The following MAP2K4 variants were observed in gnomAD, a reference collection of about 807,000 sequenced individuals.
The protein encoded by MAP2K4 is dual specificity mitogen-activated protein kinase kinase 4.
In MAP2K4, 4 loss-of-function variants were observed where a neutral mutation model predicts 48.5. The ratio of observed to expected loss-of-function variants is 0.08; its 90% CI spans 0.04 to 0.19. MAP2K4 has a LOEUF of 0.19. Ranked by LOEUF, MAP2K4 falls within the 10% of genes least tolerant of loss-of-function variation. The pLI is 1.00. For synonymous variants in MAP2K4, 166 were observed against 173.1 expected (o/e 0.96, Z 0.32); for missense variants, 258 against 493.3 (o/e 0.52, Z 4.52).
At chr17:12,103,001 G>C (rs1222674699) in intron 4 of MAP2K4, among the ~76,000 whole-genome samples, 2 of 145,232 alleles carry the variant, frequency 1.4e-5, no homozygotes, top group Admixed American at 1.4e-4. Flanking sequence ...GAACCAGCTA[G>C]CTCTCAGTTA....
intron 8 of MAP2K4, among the ~76,000 whole-genome samples, chr17:12,128,827 T>C (rs531616696): frequency 4.5e-4 from 69 of 152,340 alleles, no homozygotes; most frequent in Admixed American, 1.1e-3. Flanking sequence ...GACTTTCTTA[T>C]AAAGAAGTCA....
At chr17:12,042,152 A>G (rs894218654) in intron 1 of MAP2K4, among the ~76,000 whole-genome samples, 18 of 135,994 alleles carry the variant, frequency 1.3e-4, no homozygotes, top group African/African-American at 4.2e-4. Context: ...GGGCAACAAG[A>G]ACGAAACTTT....
intron 1 of MAP2K4, among the ~76,000 whole-genome samples, chr17:12,027,652 A>T (rs1969300230): frequency 6.6e-6 from 1 of 152,156 alleles, no homozygotes; most frequent in East Asian, 1.9e-4. Context: ...CAGTGACATT[A>T]AGGAGCTCCC....
At chr17:12,107,939 G>C in intron 5 of MAP2K4, 30 bp downstream of exon 5, 1 of 1,560,172 alleles carries the variant, frequency 6.4e-7, no homozygotes, top group Non-Finnish European at 8.7e-7. Context: ...ATTATTCATT[G>C]TGTATATAGT....
chr17:12,029,752 C>A (rs776981678), intron 1 of MAP2K4, among the ~76,000 whole-genome samples: 10 of 151,804 alleles, frequency 6.6e-5, no homozygotes, highest in Non-Finnish European at 1.5e-4. Flanking sequence ...TGTTGGGACT[C>A]CATCTCTACA....
intron 1 of MAP2K4, among the ~76,000 whole-genome samples, chr17:12,023,195 G>A (rs1969146648): frequency 6.6e-6 from 1 of 152,178 alleles, no homozygotes; most frequent in Non-Finnish European, 1.5e-5. Context: ...TAGTCAGAAT[G>A]AAGTGCTTGA....
intron 1 of MAP2K4, among the ~76,000 whole-genome samples, chr17:12,027,392 G>T (rs1017580563): frequency 6.6e-6 from 1 of 151,992 alleles, no homozygotes; most frequent in East Asian, 1.9e-4. Flanking sequence ...CAGCTTTTTC[G>T]AGCTATATTG....
rs1969461079 is a variant in MAP2K4 at position 12,032,201 on chromosome 17, C to G, written c.115+11200C>G. On this transcript the variant is annotated intron_variant, in intron 1 of 10. Transcript: ENST00000353533. The stretch of plus-strand genomic sequence containing the variant: ...AAAATTTAATATAAAAATGCAATGT[C>G]ATGTTCCAATTTTGGTTTGTTTGAT... The G allele has an allele frequency of 5.1e-6, 4 of 787,462 alleles. No individual in the cohort carries two copies. In the South Asian group the frequency reaches 1.0e-4, roughly 20 times the overall value. 48.8% of individuals were successfully genotyped at this position (787,462 alleles called of 1,614,324 possible).
chr17:12,083,504 C>T (rs561250373), intron 3 of MAP2K4, among the ~76,000 whole-genome samples: 150 of 152,314 alleles, frequency 9.8e-4, no homozygotes, highest in Non-Finnish European at 1.9e-3. Context: ...TACCTAGCTT[C>T]GTTTACCATC....
At chr17:12,083,517 G>T (rs188664576) in intron 3 of MAP2K4, among the ~76,000 whole-genome samples, 3 of 152,190 alleles carry the variant, frequency 2.0e-5, no homozygotes, top group Non-Finnish European at 4.4e-5. Context: ...TTACCATCTC[G>T]AATTCTTGAA....
intron 7 of MAP2K4, among the ~76,000 whole-genome samples, chr17:12,116,306 A>G (rs1381711438): frequency 6.6e-6 from 1 of 152,224 alleles, no homozygotes; most frequent in Non-Finnish European, 1.5e-5. Context: ...TGGAGCTTAC[A>G]GGACTAGAAG....
intron 9 of MAP2K4, among the ~76,000 whole-genome samples, chr17:12,137,639 G>C (rs1262481049): frequency 6.6e-6 from 1 of 152,122 alleles, no homozygotes; most frequent in African/African-American, 2.4e-5. Flanking sequence ...GTTCTAAGAT[G>C]CATGTAATGG....
chr17:12,032,509 T>A (rs927677474), intron 1 of MAP2K4, among the ~76,000 whole-genome samples: 1 of 152,142 alleles, frequency 6.6e-6, no homozygotes, highest in African/African-American at 2.4e-5. Context: ...TAGCAAAATA[T>A]GTATAGGTAT....
At chr17:12,105,500 C>T (rs1246382265) in intron 4 of MAP2K4, among the ~76,000 whole-genome samples, 1 of 151,958 alleles carries the variant, frequency 6.6e-6, no homozygotes, top group Non-Finnish European at 1.5e-5. Flanking sequence ...GGAACCCTTC[C>T]TTATGTTACC....
chr17:12,071,908 A>G (rs1348848388), intron 2 of MAP2K4, among the ~76,000 whole-genome samples: 1 of 152,200 alleles, frequency 6.6e-6, no homozygotes, highest in African/African-American at 2.4e-5. Flanking sequence ...ATATTTGTAA[A>G]CCATAATAAC....
chr17:12,066,015 G>A (rs1220120740), intron 2 of MAP2K4, among the ~76,000 whole-genome samples: 1 of 152,088 alleles, frequency 6.6e-6, no homozygotes, highest in Admixed American at 6.6e-5. Flanking sequence ...AATTATTCTA[G>A]AGTATCTGTT....
intron 1 of MAP2K4, among the ~76,000 whole-genome samples, chr17:12,027,475 A>G (rs1969290164): frequency 1.3e-5 from 2 of 152,102 alleles, no homozygotes; most frequent in Non-Finnish European, 2.9e-5. Context: ...AGACATATAT[A>G]TCTGAACATA....
At chr17:12,123,439 C>T (rs921952742) in intron 7 of MAP2K4, among the ~76,000 whole-genome samples, 44 of 152,156 alleles carry the variant, frequency 2.9e-4, no homozygotes, top group Non-Finnish European at 1.3e-4. Flanking sequence ...TTCTGTGGGT[C>T]AGTCTAGCCA....
At chr17:12,022,075 A>G (rs1274896055) in intron 1 of MAP2K4, among the ~76,000 whole-genome samples, 2 of 152,186 alleles carry the variant, frequency 1.3e-5, no homozygotes. Flanking sequence ...GGGTTGGGGT[A>G]CCCTTGGTAG....
Sources: allele counts gnomAD v4.1 joint callset (sites outside exome capture counted in the v4.1 genomes callset), GRCh38; gene constraint gnomAD v4.1.1; transcripts MANE v1.5; gene names NCBI Gene and HGNC (gene_info 2026-07-23, HGNC 2026-07-21).